PARD3: variants seen among roughly 807,000 people sequenced by gnomAD.
PARD3 encodes the protein partitioning defective 3 homolog.
PARD3 carries 75 observed loss-of-function variants against 155.4 expected under a neutral mutation model. The observed-to-expected ratio is 0.48, with a 90% CI of 0.40 to 0.58. The LOEUF is 0.58. Ranked by LOEUF, PARD3 falls within the 20% of genes least tolerant of loss-of-function variation. The pLI, the probability that PARD3 is intolerant of heterozygous loss-of-function variation, is 0.00. For missense variants in PARD3, 1,642 were observed against 1,721.7 expected (o/e 0.95, Z 0.82); for synonymous variants, 576 against 610.5 (o/e 0.94, Z 0.83).
chr10:34,752,382 T>C (rs17578605), intron 1 of PARD3, among the ~76,000 whole-genome samples: 2,751 of 152,292 alleles, frequency 0.018, 40 homozygotes, highest in Middle Eastern at 0.048. Flanking sequence ...AAATAACTTA[T>C]TCAAGTCAGC....
chr10:34,660,997 TTAC>T (rs1354567315), intron 2 of PARD3, among the ~76,000 whole-genome samples: 1 of 152,202 alleles, frequency 6.6e-6, no homozygotes, highest in Non-Finnish European at 1.5e-5. Context: ...TAAATAAATG[TTAC>T]TTTTTTAAAA....
chr10:34,790,963 C>T (rs1420325867), intron 1 of PARD3, among the ~76,000 whole-genome samples: 1 of 152,118 alleles, frequency 6.6e-6, no homozygotes, highest in African/African-American at 2.4e-5. Context: ...GCGTGGCACG[C>T]ACATGGGCTC....
At chr10:34,770,792 T>C (rs1838759855) in intron 1 of PARD3, among the ~76,000 whole-genome samples, 2 of 152,168 alleles carry the variant, frequency 1.3e-5, no homozygotes, top group South Asian at 2.1e-4. Flanking sequence ...TGCAATGATG[T>C]AGAGATTCCA....
intron 1 of PARD3, among the ~76,000 whole-genome samples, chr10:34,813,827 C>A (rs749021174): frequency 5.3e-4 from 81 of 152,332 alleles, no homozygotes; most frequent in Non-Finnish European, 9.1e-4. Context: ...ATACTGCACC[C>A]AAACGAATGC....
At chr10:34,801,865 T>A (rs1411203083) in intron 1 of PARD3, among the ~76,000 whole-genome samples, 2 of 152,222 alleles carry the variant, frequency 1.3e-5, no homozygotes, top group African/African-American at 4.8e-5. Context: ...ATTTATTTTA[T>A]AACACAGATT....
chr10:34,480,527 C>T (rs1654403488), intron 3 of PARD3, among the ~76,000 whole-genome samples: 2 of 152,292 alleles, frequency 1.3e-5, no homozygotes, highest in South Asian at 4.1e-4. Flanking sequence ...GCATGAACCA[C>T]CTCGCCCAAC....
chr10:34,357,884 G>A (rs946564163), intron 14 of PARD3, among the ~76,000 whole-genome samples: 2 of 152,262 alleles, frequency 1.3e-5, no homozygotes, highest in South Asian at 2.1e-4. Flanking sequence ...AACTGAGCTC[G>A]AGAGTATATT....
In PARD3 at chr10:34,470,240, T is replaced by C; in HGVS notation, c.427A>G (p.Ser143Gly). ...RANMPLHVRR[S>G]SDPALIGLST... ...AGGCCAATTAGAGCTGGGTCACTAC[T>C]GCGTCGAACATGAAGAGGCATATCT... is the stretch of plus-strand genomic sequence containing the variant. Residue 143 changes from serine to glycine, a missense_variant, in exon 4 of 25, where the codon AGT (serine) becomes GGT (glycine). Transcript: ENST00000374788. The C allele has an allele frequency of 1.2e-6, 2 of 1,607,392 alleles. No homozygotes were observed. The highest frequency in any genetic ancestry group is 1.7e-6 in the Non-Finnish European group (2 of 1,176,602).
intron 2 of PARD3, among the ~76,000 whole-genome samples, chr10:34,541,370 G>GA (rs1458887436): frequency 1.3e-5 from 2 of 152,184 alleles, no homozygotes; most frequent in African/African-American, 4.8e-5. Context: ...TCTGCAGTAT[G>GA]AGACACATAA....
chr10:34,264,296 G>A (rs1371318205), intron 22 of PARD3, among the ~76,000 whole-genome samples: 1 of 152,186 alleles, frequency 6.6e-6, no homozygotes, highest in Non-Finnish European at 1.5e-5. Context: ...GCTAACCCAC[G>A]ATGTTTGGTA....
intron 5 of PARD3, among the ~76,000 whole-genome samples, chr10:34,439,458 T>A (rs567203196): frequency 3.3e-4 from 50 of 151,590 alleles, no homozygotes; most frequent in South Asian, 1.7e-3. Flanking sequence ...AAACATTTTT[T>A]AATTTTTTTT....
At chr10:34,129,690 T>A (rs1297209680) in intron 23 of PARD3, among the ~76,000 whole-genome samples, 1 of 85,902 alleles carries the variant, frequency 1.2e-5, no homozygotes, top group Non-Finnish European at 2.9e-5. Context: ...TTTTTTGTAA[T>A]GTCAAGCCTC....
At chr10:34,266,148 T>C (rs899359114) in intron 22 of PARD3, among the ~76,000 whole-genome samples, 1 of 152,222 alleles carries the variant, frequency 6.6e-6, no homozygotes, top group African/African-American at 2.4e-5. Context: ...TTAGTCCTAT[T>C]TTATTTTTAC....
At chr10:34,344,280 G>GGT in intron 15 of PARD3, 1 of 872,134 alleles carries the variant, frequency 1.1e-6, no homozygotes, top group African/African-American at 2.2e-5. Context: ...GTTTGTTTTT[G>GGT]TTTTTTTTTT....
At chr10:34,701,228 T>C (rs1183588255) in intron 1 of PARD3, among the ~76,000 whole-genome samples, 1 of 152,098 alleles carries the variant, frequency 6.6e-6, no homozygotes, top group Non-Finnish European at 1.5e-5. Context: ...TTCAGAACGC[T>C]GTGAACACAA....
Position 34,348,064 on chromosome 10 carries a change from A to T in PARD3, c.2119T>A (p.Leu707Met). 6.2e-7 allele frequency: 1 copy of T among 1,612,782 alleles called. No individual in the cohort carries two copies. Among genetic ancestry groups the T allele is most frequent in the Non-Finnish European group, 8.5e-7 (1 of 1,179,476 alleles). Residue 707 changes from leucine (L) to methionine (M), a missense_variant, in exon 15 of 25, where the codon TTG becomes ATG. By Grantham distance (15) the Leu-to-Met change is conservative (BLOSUM62 2). Transcript: ENST00000374788. ...GAAATTCTTCGTTCTCTATCATCCAACGCTGTTTCAATGGGCAGCTCAGGT... is the reference window on the plus strand; with the variant it reads ...GAAATTCTTCGTTCTCTATCATCCATCGCTGTTTCAATGGGCAGCTCAGGT... ...PGPELPIETA[L>M]DDRERRISHS... is the part of the protein sequence containing the mutation.
intron 3 of PARD3, among the ~76,000 whole-genome samples, chr10:34,474,499 A>G (rs1463204857): frequency 6.6e-6 from 1 of 152,218 alleles, no homozygotes; most frequent in Non-Finnish European, 1.5e-5. Flanking sequence ...GAGTTTTCAC[A>G]CACACATACA....
At chr10:34,631,200 C>T (rs1327657857) in intron 2 of PARD3, among the ~76,000 whole-genome samples, 4 of 152,144 alleles carry the variant, frequency 2.6e-5, no homozygotes, top group Non-Finnish European at 4.4e-5. Flanking sequence ...CATGTGATTA[C>T]CTTTCGGGGT....
At chr10:34,503,565 T>TA in intron 3 of PARD3, among the ~76,000 whole-genome samples, 1 of 152,354 alleles carries the variant, frequency 6.6e-6, no homozygotes, top group African/African-American at 2.4e-5. Context: ...ACATACTTTT[T>TA]AAAAAAATTA....
Sources: allele counts gnomAD v4.1 joint callset (sites outside exome capture counted in the v4.1 genomes callset), GRCh38; gene constraint gnomAD v4.1.1; transcripts MANE v1.5; gene names NCBI Gene and HGNC (gene_info 2026-07-23, HGNC 2026-07-21).